The following ADAM19 variants were observed in gnomAD, a reference collection of about 807,000 sequenced individuals.
The protein encoded by ADAM19 is disintegrin and metalloproteinase domain-containing protein 19.
Under a neutral mutation model 114.7 loss-of-function variants are expected in ADAM19, and 65 were observed. The ratio of observed to expected loss-of-function variants is 0.57; its 90% confidence interval spans 0.46 to 0.70. The LOEUF is 0.70. Ranked by LOEUF, ADAM19 falls within the 30% of genes least tolerant of loss-of-function variation. The pLI is 0.00. For missense variants in ADAM19, 1,063 were observed against 1,204.7 expected (o/e 0.88, Z 1.74); for synonymous variants, 466 against 460.5 (o/e 1.01, Z -0.15).
intron 3 of ADAM19, among the ~76,000 whole-genome samples, chr5:157,556,202 TCTTTTTC>T: frequency 1.5e-5 from 2 of 131,072 alleles, no homozygotes; most frequent in Admixed American, 8.4e-5. Context: ...TGTTTTTTTT[TCTTTTTC>T]TTTTTTTTTT....
chr5:157,558,950 T>G (rs1162828158), intron 3 of ADAM19, among the ~76,000 whole-genome samples: 1 of 152,200 alleles, frequency 6.6e-6, no homozygotes, highest in Non-Finnish European at 1.5e-5. Context: ...TAGCACTGAA[T>G]GTTAATTTTC....
At position 157,488,248 on chromosome 5, in the gene ADAM19, G is replaced by T; in HGVS notation, c.2550+17C>A. On this transcript the variant is annotated intron_variant, in intron 21 of 22. Coordinates refer to ENST00000257527, the MANE Select transcript of ADAM19 (RefSeq NM_033274.5). ...AAAGCAATGTTCCCAGCCCAAGGTT[G>T]CTGATTATCCACTTACCTGGGAAAC... 6.2e-7 allele frequency: 1 copy of T among 1,606,704 alleles called. No individual in the cohort carries two copies. The highest frequency in any genetic ancestry group is 8.5e-7 in the Non-Finnish European group (1 of 1,173,882).
At chr5:157,495,342 TTG>T (rs2113704239) in intron 14 of ADAM19, among the ~76,000 whole-genome samples, 1 of 152,164 alleles carries the variant, frequency 6.6e-6, no homozygotes, top group Non-Finnish European at 1.5e-5. Context: ...GGATTTATAT[TTG>T]TGTGTGGGGA....
At chr5:157,489,302 G>A in intron 19 of ADAM19, 116 bp from the exon 20 acceptor site, 1 of 737,594 alleles carries the variant, frequency 1.4e-6, no homozygotes, top group Non-Finnish European at 2.4e-6. Flanking sequence ...TCCCAAGTCT[G>A]CTCTGGAGGG....
intron 1 of ADAM19, among the ~76,000 whole-genome samples, chr5:157,571,804 T>C (rs1489218574): frequency 6.6e-6 from 1 of 152,104 alleles, no homozygotes; most frequent in Non-Finnish European, 1.5e-5. Context: ...TCTGGGCATA[T>C]TCTGGAGGTC....
At chr5:157,535,819 A>G (rs1157482876) in intron 4 of ADAM19, among the ~76,000 whole-genome samples, 1 of 152,208 alleles carries the variant, frequency 6.6e-6, no homozygotes, top group Admixed American at 6.5e-5. Flanking sequence ...AAATTCGTGG[A>G]CTGAGACCCA....
Position 157,477,332 on chromosome 5 carries a change from TTTAA to T in ADAM19, c.*3613_*3616del. 4 of 997,544 alleles carry T rather than the reference TTTAA, an allele frequency of 4.0e-6. No individual in the cohort carries two copies. In the South Asian group the frequency reaches 1.7e-4, roughly 44 times the overall value. The allele number at this position is 997,544 out of a possible 1,614,324, so 61.8% of individuals were successfully genotyped here. A position where few individuals can be genotyped will look rare whatever the true frequency, so the allele number is the denominator to read the frequency against. On this transcript the variant is annotated 3_prime_UTR_variant, in exon 23 of 23. Coordinates refer to ENST00000257527, the MANE Select transcript of ADAM19 (RefSeq NM_033274.5). Reference sequence around the variant, plus strand: ...CATTGCAAATGACAAACAATTCATTTTTAATTAAATACTAACAAGGAAAAAAGGC... The same window carrying T: ...CATTGCAAATGACAAACAATTCATTTTTAAATACTAACAAGGAAAAAAGGC...
intron 21 of ADAM19, among the ~76,000 whole-genome samples, chr5:157,483,394 A>G (rs936526693): frequency 5.3e-5 from 8 of 152,214 alleles, no homozygotes; most frequent in African/African-American, 1.7e-4. Flanking sequence ...CTAAAATTAT[A>G]AAGTGACAGA....
chr5:157,484,961 A>C (rs564285159), intron 21 of ADAM19, among the ~76,000 whole-genome samples: 1 of 152,308 alleles, frequency 6.6e-6, no homozygotes, highest in Non-Finnish European at 1.5e-5. Flanking sequence ...CGATGATCCA[A>C]CTCAGCCCTA....
chr5:157,531,476 G>A (rs1393912342), intron 4 of ADAM19, among the ~76,000 whole-genome samples: 1 of 152,116 alleles, frequency 6.6e-6, no homozygotes, highest in East Asian at 1.9e-4. Flanking sequence ...AGACCGCCCT[G>A]GCCAACATGG....
intron 3 of ADAM19, among the ~76,000 whole-genome samples, chr5:157,561,497 C>T (rs905500034): frequency 3.9e-5 from 6 of 152,174 alleles, no homozygotes; most frequent in Non-Finnish European, 7.3e-5. Flanking sequence ...CCTTGCTCAC[C>T]GCTCCTGGGA....
chr5:157,488,127 C>T, intron 21 of ADAM19, 138 bp downstream of exon 21: 2 of 832,120 alleles, frequency 2.4e-6, no homozygotes, highest in South Asian at 1.6e-5. Flanking sequence ...TGCTGTGCGC[C>T]CCCGTATTGA....
chr5:157,478,016 C>G lies in ADAM19; in HGVS notation c.*2933G>C, dbSNP rs1227903292. On this transcript the variant is annotated 3_prime_UTR_variant, in exon 23 of 23. Transcript: ENST00000257527. The stretch of plus-strand genomic sequence containing the variant: ...CAGTTACAAGATTGAGCCAGGTGCC[C>G]AGGCTAAGGCTTCTAGAGACAGGGA... 1 of 254,890 alleles carries G rather than the reference C, an allele frequency of 3.9e-6. No individual in the cohort carries two copies. The allele number at this position is 254,890 out of a possible 1,614,324, so 15.8% of individuals were successfully genotyped here. A position where few individuals can be genotyped will look rare whatever the true frequency, so the allele number is the denominator to read the frequency against.
At chr5:157,506,105 T>C (rs576346410) in intron 10 of ADAM19, among the ~76,000 whole-genome samples, 79 of 152,316 alleles carry the variant, frequency 5.2e-4, no homozygotes, top group Non-Finnish European at 3.2e-4. Context: ...GGAAGATTTT[T>C]CCCCATTCTT....
intron 12 of ADAM19, among the ~76,000 whole-genome samples, chr5:157,500,966 G>A (rs1415062286): frequency 2.6e-5 from 4 of 152,098 alleles, no homozygotes; most frequent in Non-Finnish European, 4.4e-5. Flanking sequence ...GTAGCTGGCC[G>A]AGGGACACAC....
intron 11 of ADAM19, among the ~76,000 whole-genome samples, chr5:157,504,905 G>A (rs933789203): frequency 1.3e-5 from 2 of 151,950 alleles, no homozygotes; most frequent in Non-Finnish European, 2.9e-5. Context: ...GGATCACGAG[G>A]TCAGGAGATC....
chr5:157,541,235 G>T (rs575133879), intron 3 of ADAM19, among the ~76,000 whole-genome samples: 1 of 152,170 alleles, frequency 6.6e-6, no homozygotes, highest in Non-Finnish European at 1.5e-5. Context: ...TCAGCAGACC[G>T]GCAGGAAGCC....
intron 2 of ADAM19, among the ~76,000 whole-genome samples, chr5:157,570,185 G>A (rs888731673): frequency 3.9e-5 from 6 of 152,130 alleles, no homozygotes; most frequent in Admixed American, 3.9e-4. Flanking sequence ...GCTTGAACCT[G>A]CCAGGCGGAG....
intron 12 of ADAM19, 59 bp downstream of exon 12, chr5:157,502,744 T>TA: frequency 6.3e-7 from 1 of 1,576,054 alleles, no homozygotes; most frequent in Non-Finnish European, 8.7e-7. Context: ...TCTTTGACCT[T>TA]GAGTTTTGAA....
Sources: gnomAD v4.1 joint callset for allele counts (sites outside exome capture counted in the v4.1 genomes callset) on GRCh38, gnomAD v4.1.1 for gene constraint, MANE v1.5 for transcripts, NCBI Gene and HGNC (gene_info 2026-07-23, HGNC 2026-07-21) for gene names.